The following IMPDH1 variants were observed in gnomAD, a reference collection of about 807,000 sequenced individuals.
The protein encoded by IMPDH1 is inosine monophosphate dehydrogenase 1, also known as inosine-5'-monophosphate dehydrogenase 1.
A neutral mutation model predicts 73.5 loss-of-function variants in IMPDH1; 41 were observed. The ratio of observed to expected loss-of-function variants is 0.56; its 90% CI spans 0.43 to 0.72. The LOEUF is 0.72. IMPDH1 is among the 30% of genes least tolerant of loss of function. The pLI is 0.00. For missense variants in IMPDH1, 645 were observed against 824.8 expected (o/e 0.78, Z 2.67); for synonymous variants, 318 against 334.3 (o/e 0.95, Z 0.53).
chr7:128,400,116 T>A lies in IMPDH1; in HGVS notation c.853A>T (p.Ile285Phe). The A allele has an allele frequency of 6.2e-7, 1 of 1,613,494 alleles. No homozygotes were observed. Among genetic ancestry groups the A allele is most frequent in the South Asian group, 1.1e-5 (1 of 91,082 alleles). ...AGVTLKEANEILQRSKKGKLP... is the reference protein window; with the variant it reads ...AGVTLKEANEFLQRSKKGKLP... ...GTACCTTTCTTGCTACGCTGCAGGA[T>A]CTCATTTGCCTCTTTCAACGTCACA... Residue 285 changes from isoleucine to phenylalanine, a missense_variant, in exon 9 of 17, where the codon ATC (isoleucine) becomes TTC (phenylalanine). Coordinates refer to ENST00000338791, the MANE Select transcript of IMPDH1 (RefSeq NM_000883.4).
At chr7:128,397,991 G>A (rs1469787405) in intron 10 of IMPDH1, among the ~76,000 whole-genome samples, 1 of 152,116 alleles carries the variant, frequency 6.6e-6, no homozygotes, top group Non-Finnish European at 1.5e-5. Flanking sequence ...GCAGTATTTG[G>A]TTTTCTGCTT....
chr7:128,400,720 G>A (rs774720603), intron 7 of IMPDH1, 97 bp downstream of exon 7: 40 of 1,215,136 alleles, frequency 3.3e-5, no homozygotes, highest in Non-Finnish European at 4.6e-5. Flanking sequence ...GGACACGCAG[G>A]GAGTGTAGCA....
chr7:128,396,838 G>GA lies in IMPDH1; in HGVS notation c.1165+93dup, dbSNP rs1797951645. The GA allele has an allele frequency of 8.5e-7, 1 of 1,178,086 alleles. No homozygotes were observed. The allele number at this position is 1,178,086 out of a possible 1,614,324, so 73.0% of individuals were successfully genotyped here. ...TCATGCTCCCTGCCACCCATGCCAG[G>GA]AGCCATACCATCACCTAGGGATGCT... On this transcript the variant is annotated intron_variant, in intron 11 of 16. Transcript: ENST00000338791. The surrounding 1 kb of genome is among the most constrained non-coding windows in gnomAD (Gnocchi z 4.0).
intron 1 of IMPDH1, 111 bp from the exon 2 acceptor site, chr7:128,409,595 G>A: frequency 1.3e-6 from 2 of 1,527,686 alleles, no homozygotes; most frequent in Non-Finnish European, 1.8e-6. Flanking sequence ...AACCAAAGCC[G>A]GGAGCGTGGC....
chr7:128,394,917 T>C lies in IMPDH1; in HGVS notation c.1522A>G (p.Ser508Gly). Residue 508 changes from serine to glycine, a missense_variant, in exon 14 of 17, where the codon AGC becomes GGC. By Grantham distance (56) the Ser-to-Gly change is moderately conservative. Coordinates refer to ENST00000338791, the MANE Select transcript of IMPDH1 (RefSeq NM_000883.4). This position sits in a 1 kb window ranked among gnomAD's most constrained non-coding sequence, Gnocchi z 5.5. ...GMGSLDAMEK[S>G]SSSQKRYFSE... ...AAGTATCGTTTCTGGCTGCTGCTGC[T>C]CTTCTCCATGGCATCCAGTGAGCCC... 1 of 1,612,900 alleles carries C rather than the reference T, an allele frequency of 6.2e-7. No individual in the cohort carries two copies. Among genetic ancestry groups the C allele is most frequent in the Non-Finnish European group, 8.5e-7 (1 of 1,180,016 alleles).
chr7:128,404,251 C>T (rs762607756), intron 4 of IMPDH1, among the ~76,000 whole-genome samples: 2 of 152,120 alleles, frequency 1.3e-5, no homozygotes, highest in East Asian at 1.9e-4. Flanking sequence ...ACACAGGGCT[C>T]GGAACAGCAT....
In IMPDH1 at chr7:128,400,192, C is replaced by A. The variant is rs1387730501; in HGVS notation, c.787-10G>T. ...TCCTTGGCGTCATCACCTGTGGGGCCAGGAACATTTGCCTGCAGGTTGGCA... is the reference window on the plus strand; with the variant it reads ...TCCTTGGCGTCATCACCTGTGGGGCAAGGAACATTTGCCTGCAGGTTGGCA... On this transcript the variant is annotated splice_polypyrimidine_tract_variant and intron_variant, in intron 8 of 16. Transcript: ENST00000338791. The A allele has an allele frequency of 3.1e-6, 5 of 1,614,106 alleles. No homozygotes were observed. The Middle Eastern group carries it at 4.9e-4, about 160-fold the overall frequency.
chr7:128,400,343 A>T lies in IMPDH1; in HGVS notation c.776T>A (p.Leu259His), dbSNP rs1178586476. Residue 259 changes from leucine (L) to histidine (H), a missense_variant, in exon 8 of 17, where the codon CTC becomes CAC. Coordinates refer to ENST00000338791, the MANE Select transcript of IMPDH1 (RefSeq NM_000883.4). ...DFLAEKDHTT[L>H]LSEVMTPRIE... The stretch of plus-strand genomic sequence containing the variant: ...CTGCCCTGCAGGTACCTCACTGAGG[A>T]GGGTGGTGTGGTCCTTCTCAGCAAG... 6.2e-7 allele frequency: 1 copy of T among 1,613,288 alleles called. No individual in the cohort carries two copies. The highest frequency in any genetic ancestry group is 1.1e-5 in the South Asian group (1 of 90,994).
Position 128,409,473 on chromosome 7 carries a change from T to C in IMPDH1, c.158A>G (p.Asp53Gly). 1 of 1,614,102 alleles carries C rather than the reference T, an allele frequency of 6.2e-7. No individual in the cohort carries two copies. The highest frequency in any genetic ancestry group is 1.6e-4 in the Middle Eastern group (1 of 6,062). The change falls in exon 2 of 17, where the codon GAC becomes GGC. Residue 53 changes from aspartate to glycine, a missense_variant. By Grantham distance (94) the Asp-to-Gly change is moderately conservative (BLOSUM62 -1). Coordinates refer to ENST00000338791, the MANE Select transcript of IMPDH1 (RefSeq NM_000883.4). Reference protein sequence around the residue: ...AGYEPESPRLDLATHPTTPRS... With the variant: ...AGYEPESPRLGLATHPTTPRS... Reference sequence around the variant, plus strand: ...GGGTGTCGTCGGGTGTGTAGCGAGGTCCAATCTAGGGCTAAGATTTTAGGG... The same window carrying C: ...GGGTGTCGTCGGGTGTGTAGCGAGGCCCAATCTAGGGCTAAGATTTTAGGG...
rs772927111 is a variant in IMPDH1, at chr7:128,409,896, C to G, written c.6G>C (p.Glu2Asp). Residue 2 changes from glutamate to aspartate, a missense_variant, in exon 1 of 17, where the codon GAG becomes GAC. Glu to Asp is a conservative substitution (Grantham distance 45). Coordinates refer to ENST00000338791, the MANE Select transcript of IMPDH1 (RefSeq NM_000883.4). M[E>D]GPLTPPPLQG... is the part of the protein sequence containing the mutation. ...GCAGCGGTGGTGGAGTGAGTGGCCC[C>G]TCCATGCGGAGGCCGCAGCTCAGGG... 1 of 1,420,334 alleles carries G rather than the reference C, an allele frequency of 7.0e-7. No individual in the cohort carries two copies. Among genetic ancestry groups the G allele is most frequent in the Non-Finnish European group, 9.2e-7 (1 of 1,090,912 alleles). 88.0% of individuals were successfully genotyped at this position (1,420,334 alleles called of 1,614,324 possible). A position where few individuals can be genotyped will look rare whatever the true frequency, so the allele number is the denominator to read the frequency against.
intron 12 of IMPDH1, 102 bp from the exon 13 acceptor site, chr7:128,395,376 C>A: frequency 7.3e-7 from 1 of 1,371,826 alleles, no homozygotes; most frequent in South Asian, 1.2e-5. Flanking sequence ...TACCTCTACT[C>A]AGGAAAAGGG....
In IMPDH1 at chr7:128,394,653, C is replaced by T; in HGVS notation, c.1551-54G>A. On this transcript the variant is annotated intron_variant, in intron 14 of 16. Coordinates refer to ENST00000338791, the MANE Select transcript of IMPDH1 (RefSeq NM_000883.4). This position sits in a 1 kb window ranked among gnomAD's most constrained non-coding sequence, Gnocchi z 5.5. ...GCAGCTTGAAGCTCAGAGGACCCCA[C>T]CCCACCTCTTAAGGGCAAAAACGGG... 1.2e-6 allele frequency: 2 copies of T among 1,605,256 alleles called. No individual in the cohort carries two copies. The highest frequency in any genetic ancestry group is 1.1e-5 in the South Asian group (1 of 90,922).
intron 16 of IMPDH1, 34 bp from the exon 17 acceptor site, chr7:128,393,062 G>C (rs755182054): frequency 1.2e-6 from 2 of 1,613,180 alleles, no homozygotes; most frequent in Non-Finnish European, 1.7e-6. Context: ...GAACAAGAGT[G>C]GGTGTGTGGA....
At chr7:128,399,974 T>G in intron 9 of IMPDH1, 121 bp downstream of exon 9, 3 of 841,394 alleles carry the variant, frequency 3.6e-6, no homozygotes, top group Non-Finnish European at 2.0e-6. Context: ...CCTGAGGTTA[T>G]TCGAACCTTC....
At position 128,394,830 on chromosome 7, in the gene IMPDH1, G is replaced by T; in HGVS notation, c.1550+59C>A. ...TGCCATCTGGGGAAGTCGGTGGCATGAGCGGGCCCTGAAGGGTTGTGGGCT... is the reference window on the plus strand; with the variant it reads ...TGCCATCTGGGGAAGTCGGTGGCATTAGCGGGCCCTGAAGGGTTGTGGGCT... On this transcript the variant is annotated intron_variant, in intron 14 of 16. Coordinates refer to ENST00000338791, the MANE Select transcript of IMPDH1 (RefSeq NM_000883.4). The surrounding 1 kb of genome is among the most constrained non-coding windows in gnomAD (Gnocchi z 5.5). The T allele has an allele frequency of 6.3e-7, 1 of 1,597,976 alleles. No homozygotes were observed. The highest frequency in any genetic ancestry group is 8.5e-7 in the Non-Finnish European group (1 of 1,170,376).
intron 3 of IMPDH1, among the ~76,000 whole-genome samples, chr7:128,407,964 C>T (rs980135315): frequency 2.0e-5 from 3 of 152,206 alleles, no homozygotes; most frequent in Non-Finnish European, 4.4e-5. Flanking sequence ...CTCCTCATCA[C>T]TCTAAGCTGC....
rs371106901 is a variant in IMPDH1 at position 128,401,132 on chromosome 7, C to G, written c.403-16G>C. 467 of 1,596,156 alleles carry G rather than the reference C, an allele frequency of 2.9e-4. No individual in the cohort carries two copies. Among genetic ancestry groups the G allele is most frequent in the Non-Finnish European group, 3.4e-4 (402 of 1,165,552 alleles). ...AGGTCAGGTCCTGAGGATGGAGGCA[C>G]AGCCCACGTAAAGAGTTTATCACCC... On this transcript the variant is annotated splice_polypyrimidine_tract_variant and intron_variant, in intron 5 of 16. Coordinates refer to ENST00000338791, the MANE Select transcript of IMPDH1 (RefSeq NM_000883.4).
rs1798263944 is a variant in IMPDH1, at chr7:128,400,635, G to A, written c.580-96C>T. 7.5e-6 allele frequency: 10 copies of A among 1,338,848 alleles called. No individual in the cohort carries two copies. In the South Asian group the frequency reaches 1.1e-4, roughly 14 times the overall value. The allele number at this position is 1,338,848 out of a possible 1,614,324, so 82.9% of individuals were successfully genotyped here. ...ACAGAGGATGCAGCTGTGCTGCAGA[G>A]AAGCCAGGACCCTCAGTGGGATGAG... On this transcript the variant is annotated intron_variant, in intron 7 of 16. Coordinates refer to ENST00000338791, the MANE Select transcript of IMPDH1 (RefSeq NM_000883.4).
chr7:128,409,786 C>A lies in IMPDH1; in HGVS notation c.116G>T (p.Arg39Leu), dbSNP rs1393085384. The A allele has an allele frequency of 1.8e-5, 27 of 1,519,474 alleles. No individual in the cohort carries two copies. The highest frequency in any genetic ancestry group is 8.8e-6 in the Non-Finnish European group (10 of 1,140,530). The allele number at this position is 1,519,474 out of a possible 1,614,324, so 94.1% of individuals were successfully genotyped here. Reference protein sequence around the residue: ...HETAAQRYSARLLQAGYEPES... With the variant: ...HETAAQRYSALLLQAGYEPES... ...GGGCTCGTAGCCGGCCTGCAGCAGT[C>A]GGGCGCTGTACCGCTGCGCCGCCGT... is the stretch of plus-strand genomic sequence containing the variant. Residue 39 changes from arginine (R) to leucine (L), a missense_variant, in exon 1 of 17, where the codon CGA (arginine) becomes CTA (leucine). Transcript: ENST00000338791.
Sources: allele counts gnomAD v4.1 joint callset (sites outside exome capture counted in the v4.1 genomes callset), GRCh38; gene constraint gnomAD v4.1.1; non-coding constraint Gnocchi (gnomAD v3.1); transcripts MANE v1.5; gene names NCBI Gene and HGNC (gene_info 2026-07-23, HGNC 2026-07-21).